The following PCLO variants were observed in gnomAD, a reference collection of about 807,000 sequenced individuals.
PCLO encodes the protein protein piccolo.
A neutral mutation model predicts 427.5 loss-of-function variants in PCLO; 82 were observed. The observed-to-expected ratio is 0.19, with a 90% CI of 0.16 to 0.23. PCLO has a LOEUF of 0.23. Ranked by LOEUF, PCLO falls within the 10% of genes least tolerant of loss-of-function variation. The pLI, the probability that PCLO is intolerant of heterozygous loss-of-function variation, is 1.00. For synonymous variants in PCLO, 2,357 were observed against 2,155.4 expected (o/e 1.09, Z -2.59); for missense variants, 6,239 against 6,115.9 (o/e 1.02, Z -0.67).
intron 3 of PCLO, among the ~76,000 whole-genome samples, chr7:82,976,057 G>A (rs989631078): frequency 6.6e-6 from 1 of 152,164 alleles, no homozygotes; most frequent in Non-Finnish European, 1.5e-5. Flanking sequence ...GAAATATTTT[G>A]TATGGGATTT....
At chr7:83,157,698 A>G (rs1792335896) in intron 1 of PCLO, among the ~76,000 whole-genome samples, 1 of 151,926 alleles carries the variant, frequency 6.6e-6, no homozygotes, top group African/African-American at 2.4e-5. Flanking sequence ...CTTTAGTGAT[A>G]AAGTTGCAGC....
intron 4 of PCLO, among the ~76,000 whole-genome samples, chr7:82,965,556 A>T (rs1380164003): frequency 6.6e-6 from 1 of 152,278 alleles, no homozygotes; most frequent in Non-Finnish European, 1.5e-5. Flanking sequence ...ACAGGGAAAT[A>T]AATGTGGTAT....
chr7:82,798,430 G>A (rs537747335), intron 22 of PCLO, among the ~76,000 whole-genome samples: 1 of 152,116 alleles, frequency 6.6e-6, no homozygotes, highest in African/African-American at 2.4e-5. Flanking sequence ...TGACAACAAA[G>A]GCAAATAAAG....
At chr7:82,767,174 T>C (rs773694973) in intron 22 of PCLO, among the ~76,000 whole-genome samples, 5 of 152,050 alleles carry the variant, frequency 3.3e-5, no homozygotes, top group Non-Finnish European at 5.9e-5. Flanking sequence ...ACAGAGGACA[T>C]ATGATGATGT....
intron 3 of PCLO, among the ~76,000 whole-genome samples, chr7:83,121,654 T>C (rs944271896): frequency 6.8e-6 from 1 of 147,506 alleles, no homozygotes; most frequent in Non-Finnish European, 1.5e-5. Context: ...AAGACACACA[T>C]AGACTGAAAA....
At chr7:82,987,180 C>A (rs544400981) in intron 3 of PCLO, among the ~76,000 whole-genome samples, 44 of 151,936 alleles carry the variant, frequency 2.9e-4, no homozygotes, top group African/African-American at 1.0e-3. Flanking sequence ...CTGGATTTTA[C>A]AAATAACATT....
chr7:83,098,268 C>T (rs1429854921), intron 3 of PCLO, among the ~76,000 whole-genome samples: 1 of 151,486 alleles, frequency 6.6e-6, no homozygotes, highest in African/African-American at 2.4e-5. Context: ...AGAAGAAATG[C>T]TCTACTTACA....
chr7:82,972,536 C>T (rs1043799438), intron 3 of PCLO, among the ~76,000 whole-genome samples: 1 of 151,994 alleles, frequency 6.6e-6, no homozygotes, highest in African/African-American at 2.4e-5. Flanking sequence ...ACAAAACCTA[C>T]GTGAACATTC....
Position 82,855,177 on chromosome 7 carries a change from A to G in PCLO, c.13655-7930T>C, listed in dbSNP as rs181146227. Among the ~76,000 whole-genome samples the G allele has an allele frequency of 3.0e-3, 459 of 152,288 alleles. 2 individuals are homozygous for G. The highest frequency in any genetic ancestry group is 9.4e-3 in the African/African-American group (390 of 41,576). On this transcript the variant is annotated intron_variant, in intron 10 of 24. Coordinates refer to ENST00000333891, the MANE Select transcript of PCLO (RefSeq NM_033026.6). ...TAAAAATATTGTTCAAAAGGATTTC[A>G]TCGTCAAATGTGTTGTAAAAGCTCA...
intron 14 of PCLO, among the ~76,000 whole-genome samples, chr7:82,838,910 A>G (rs928200426): frequency 1.3e-5 from 2 of 152,000 alleles, no homozygotes; most frequent in Non-Finnish European, 1.5e-5. Flanking sequence ...CTTTCCTAAT[A>G]GAGTGAGATA....
chr7:83,121,923 A>G (rs1369941127), intron 3 of PCLO, among the ~76,000 whole-genome samples: 1 of 152,178 alleles, frequency 6.6e-6, no homozygotes, highest in Non-Finnish European at 1.5e-5. Context: ...ATACTAGTAA[A>G]CCAAATTCCA....
chr7:82,803,867 A>G (rs1209129300), intron 21 of PCLO, among the ~76,000 whole-genome samples: 2 of 152,142 alleles, frequency 1.3e-5, no homozygotes, highest in African/African-American at 4.8e-5. Flanking sequence ...AGTCTCCTAG[A>G]CAGTTGTGAG....
intron 6 of PCLO, among the ~76,000 whole-genome samples, chr7:82,928,332 G>A (rs1425989815): frequency 6.6e-6 from 1 of 152,116 alleles, no homozygotes; most frequent in Non-Finnish European, 1.5e-5. Context: ...TAAATGATAT[G>A]AATTATATTT....
intron 4 of PCLO, among the ~76,000 whole-genome samples, chr7:82,963,523 C>T (rs1352015357): frequency 6.6e-6 from 1 of 151,928 alleles, no homozygotes. Flanking sequence ...CTAGCATGTA[C>T]TTTTTAATTA....
At chr7:83,136,506 A>G (rs551016805) in intron 2 of PCLO, among the ~76,000 whole-genome samples, 27 of 152,022 alleles carry the variant, frequency 1.8e-4, no homozygotes, top group Admixed American at 1.2e-3. Flanking sequence ...GCAAAGCATT[A>G]CTCCCCCCTC....
chr7:82,792,334 CTT>C (rs1417543209), intron 22 of PCLO, among the ~76,000 whole-genome samples: 5 of 144,286 alleles, frequency 3.5e-5, no homozygotes, highest in South Asian at 2.2e-4. Context: ...TTTTATGGCT[CTT>C]TTTTTTTTTT....
intron 1 of PCLO, among the ~76,000 whole-genome samples, chr7:83,158,651 G>A (rs1453616208): frequency 6.6e-6 from 1 of 151,892 alleles, no homozygotes; most frequent in Non-Finnish European, 1.5e-5. Flanking sequence ...TAAACTTCAT[G>A]AATGTCAAAT....
rs1209018295 is a variant in PCLO, at chr7:82,950,993, T to A, written c.9595A>T (p.Ser3199Cys). ...TCTTCAGGGACAATTAAAAGAGCAC[T>A]TTCATCTCCCACCACTTCAGGAAAC... ...EVFPEVVGDE[S>C]ALLIVPEEDK... The change falls in exon 6 of 25, where the codon AGT becomes TGT. Residue 3199 changes from serine (S) to cysteine (C), a missense_variant. Around this residue, in one of 5 missense-constraint regions of PCLO, gnomAD observed 4,677 missense variants for 4,468.4 expected, o/e 1.05. Coordinates refer to ENST00000333891, the MANE Select transcript of PCLO (RefSeq NM_033026.6). The A allele has an allele frequency of 6.2e-7, 1 of 1,613,822 alleles. No individual in the cohort carries two copies. Among genetic ancestry groups the A allele is most frequent in the Non-Finnish European group, 8.5e-7 (1 of 1,179,854 alleles).
intron 3 of PCLO, among the ~76,000 whole-genome samples, chr7:82,989,700 T>A (rs1321395726): frequency 2.0e-5 from 3 of 152,180 alleles, no homozygotes; most frequent in Non-Finnish European, 4.4e-5. Flanking sequence ...ATATATAATC[T>A]CTGTAGACAG....
Sources: allele counts gnomAD v4.1 joint callset (sites outside exome capture counted in the v4.1 genomes callset), GRCh38; gene constraint gnomAD v4.1.1; regional missense constraint gnomAD v4.1.1; transcripts MANE v1.5; gene names NCBI Gene and HGNC (gene_info 2026-07-23, HGNC 2026-07-21).